The following PCSK5 variants were observed in gnomAD, a reference collection of about 807,000 sequenced individuals.
PCSK5 encodes proprotein convertase subtilisin/kexin type 5.
A neutral mutation model predicts 233.2 loss-of-function variants in PCSK5; 129 were observed. The ratio of observed to expected loss-of-function variants is 0.55; its 90% CI spans 0.48 to 0.64. The LOEUF is 0.64. Among genes scored for constraint, PCSK5 ranks in the 30% least tolerant of loss-of-function variants. The probability of loss-of-function intolerance (pLI) is 0.00; values close to 1 mark genes in which losing one functional copy is unlikely to be tolerated. For missense variants in PCSK5, 2,076 were observed against 2,430.1 expected (o/e 0.85, Z 3.06); for synonymous variants, 825 against 879.2 (o/e 0.94, Z 1.09).
intron 1 of PCSK5, among the ~76,000 whole-genome samples, chr9:75,903,137 A>T (rs1826113235): frequency 6.6e-6 from 1 of 152,190 alleles, no homozygotes; most frequent in Admixed American, 6.5e-5. Context: ...TTTATATAGT[A>T]CAACAAAGCT....
At chr9:76,065,331 A>C (rs1167347509) in intron 5 of PCSK5, among the ~76,000 whole-genome samples, 1 of 151,448 alleles carries the variant, frequency 6.6e-6, no homozygotes, top group East Asian at 1.9e-4. Flanking sequence ...AGCATTTGTT[A>C]TTTTCTGTCT....
chr9:76,189,779 G>A, intron 20 of PCSK5, 33 bp downstream of exon 20: 3 of 1,130,828 alleles, frequency 2.7e-6, no homozygotes, highest in South Asian at 1.3e-5. Context: ...ATCTTATGAA[G>A]CAAAGTATGA....
At chr9:76,084,427 G>A (rs1830979753) in intron 7 of PCSK5, among the ~76,000 whole-genome samples, 1 of 152,064 alleles carries the variant, frequency 6.6e-6, no homozygotes. Context: ...TAACTGTGTG[G>A]GCAATTTAAA....
chr9:76,244,640 CA>C (rs1176765741), intron 24 of PCSK5, among the ~76,000 whole-genome samples: 2 of 111,296 alleles, frequency 1.8e-5, no homozygotes, highest in South Asian at 3.5e-4. Context: ...TTATACCTAA[CA>C]AAAAAAACCC....
At chr9:75,987,854 CCT>C (rs1438677157) in intron 3 of PCSK5, among the ~76,000 whole-genome samples, 1 of 152,148 alleles carries the variant, frequency 6.6e-6, no homozygotes, top group Non-Finnish European at 1.5e-5. Context: ...CCTCTACACC[CCT>C]GTTTATAAGA....
At chr9:75,937,641 A>T (rs1229817422) in intron 2 of PCSK5, among the ~76,000 whole-genome samples, 1 of 152,242 alleles carries the variant, frequency 6.6e-6, no homozygotes, top group Non-Finnish European at 1.5e-5. Context: ...TGTGAAAGTC[A>T]TAGGTGGCAT....
At chr9:75,994,505 A>G (rs536975037) in intron 3 of PCSK5, among the ~76,000 whole-genome samples, 15 of 135,906 alleles carry the variant, frequency 1.1e-4, no homozygotes, top group African/African-American at 4.0e-4. Context: ...GCTCACTGCA[A>G]CCTCCGCCTC....
intron 2 of PCSK5, among the ~76,000 whole-genome samples, chr9:75,934,831 C>T (rs536365698): frequency 6.0e-4 from 92 of 152,122 alleles, no homozygotes; most frequent in African/African-American, 2.0e-3. Flanking sequence ...GTGATCTGCC[C>T]GCCTCAGCCT....
chr9:76,356,179 A>T (rs989124711), intron 37 of PCSK5, among the ~76,000 whole-genome samples: 1 of 152,184 alleles, frequency 6.6e-6, no homozygotes, highest in East Asian at 1.9e-4. Flanking sequence ...CTCTCACAAC[A>T]TTAATGCCTT....
Position 76,138,034 on chromosome 9 carries a change from G to A in PCSK5, c.1312+3822G>A, listed in dbSNP as rs180808532. 4.2e-3 allele frequency among the ~76,000 whole-genome samples: 634 copies of A among 152,056 alleles called. 3 individuals are homozygous for A. The highest frequency in any genetic ancestry group is 0.013 in the African/African-American group (546 of 41,486). ...GCCATTCCAGCTGGTTTTCCTTCCT[G>A]GAATTTAATGGATGTTATCTCTTCA... On this transcript the variant is annotated intron_variant, in intron 10 of 37. Coordinates refer to ENST00000674117, the MANE Select transcript of PCSK5 (RefSeq NM_001372043.1).
intron 9 of PCSK5, among the ~76,000 whole-genome samples, chr9:76,109,122 T>G (rs544234734): frequency 1.3e-5 from 2 of 152,334 alleles, no homozygotes; most frequent in East Asian, 3.9e-4. Context: ...TCCTATTAAA[T>G]TCTCACTTTA....
intron 1 of PCSK5, among the ~76,000 whole-genome samples, chr9:75,923,603 C>G (rs1332153423): frequency 6.6e-6 from 1 of 152,068 alleles, no homozygotes; most frequent in African/African-American, 2.4e-5. Context: ...GTTTAATTTC[C>G]TTTTCTTTTG....
chr9:76,157,231 A>G (rs1009251511), intron 11 of PCSK5, 69 bp downstream of exon 11: 16 of 1,000,014 alleles, frequency 1.6e-5, no homozygotes, highest in Middle Eastern at 6.1e-4. Flanking sequence ...ATTGCTCAAG[A>G]CAGCCTCTTG....
At chr9:76,239,235 G>T in intron 23 of PCSK5, 70 bp downstream of exon 23, 1 of 1,317,462 alleles carries the variant, frequency 7.6e-7, no homozygotes, top group South Asian at 1.3e-5. Flanking sequence ...GGATGTCCTG[G>T]AGACTTGAAT....
At chr9:76,063,319 C>CTTT (rs1157596601) in intron 5 of PCSK5, among the ~76,000 whole-genome samples, 98 of 59,698 alleles carry the variant, frequency 1.6e-3, no homozygotes, top group African/African-American at 3.2e-3. Flanking sequence ...TTTCTTTTTT[C>CTTT]TTTTTTTTTT....
At chr9:76,356,755 A>G (rs1178118318) in intron 37 of PCSK5, among the ~76,000 whole-genome samples, 1 of 152,254 alleles carries the variant, frequency 6.6e-6, no homozygotes, top group Admixed American at 6.5e-5. Context: ...GTCATGATGT[A>G]TCAGATCTAA....
chr9:76,244,686 C>T (rs1278793146), intron 24 of PCSK5, among the ~76,000 whole-genome samples: 1 of 150,868 alleles, frequency 6.6e-6, no homozygotes, highest in African/African-American at 2.4e-5. Flanking sequence ...TCATCTATTT[C>T]CTGGGTGGAC....
At chr9:76,287,445 T>G (rs1828113554) in intron 24 of PCSK5, 1 of 160,192 alleles carries the variant, frequency 6.2e-6, no homozygotes, top group South Asian at 1.9e-4. Flanking sequence ...GACATCTGAC[T>G]TTGGCATGTC....
chr9:76,351,606 G>C (rs988180000), intron 36 of PCSK5, among the ~76,000 whole-genome samples: 3 of 43,714 alleles, frequency 6.9e-5, no homozygotes, highest in African/African-American at 1.3e-4. Context: ...AGAAAGAGAA[G>C]AAAGAAAAAG....
Sources: allele counts gnomAD v4.1 joint callset (sites outside exome capture counted in the v4.1 genomes callset), GRCh38; gene constraint gnomAD v4.1.1; transcripts MANE v1.5; gene names NCBI Gene and HGNC (gene_info 2026-07-23, HGNC 2026-07-21).